The following PARD3 variants were observed in gnomAD, a reference collection of about 807,000 sequenced individuals.
The protein encoded by PARD3 is par-3 family cell polarity regulator, also known as partitioning defective 3 homolog.
In PARD3, 75 loss-of-function variants were observed where a neutral mutation model predicts 155.4. The observed-to-expected ratio is 0.48, with a 90% CI of 0.40 to 0.58. PARD3 has a LOEUF of 0.58. Among genes scored for constraint, PARD3 ranks in the 20% least tolerant of loss-of-function variants. The pLI, the probability that PARD3 is intolerant of heterozygous loss-of-function variation, is 0.00. For missense variants in PARD3, 1,642 were observed against 1,721.7 expected, an observed-to-expected ratio of 0.95 and a Z score of 0.82; for synonymous variants, 576 against 610.5, an observed-to-expected ratio of 0.94 and a Z score of 0.83.
intron 5 of PARD3, among the ~76,000 whole-genome samples, chr10:34,420,810 G>T (rs531141133): frequency 6.1e-4 from 93 of 152,194 alleles, no homozygotes; most frequent in African/African-American, 2.0e-3. Context: ...TTTCTCAAAT[G>T]GTGACATTCA....
intron 24 of PARD3, among the ~76,000 whole-genome samples, chr10:34,118,459 C>T (rs1166495984): frequency 6.6e-6 from 1 of 152,230 alleles, no homozygotes; most frequent in Non-Finnish European, 1.5e-5. Context: ...ATCCTCCCAT[C>T]TCAGCCTCCC....
chr10:34,605,344 C>A (rs546175876), intron 2 of PARD3, among the ~76,000 whole-genome samples: 1 of 149,174 alleles, frequency 6.7e-6, no homozygotes, highest in Non-Finnish European at 1.5e-5. Flanking sequence ...AGGGCGCCTA[C>A]CACCACGCCT....
chr10:34,630,425 CT>C (rs2092207928), intron 2 of PARD3, among the ~76,000 whole-genome samples: 1 of 151,520 alleles, frequency 6.6e-6, no homozygotes, highest in Non-Finnish European at 1.5e-5. Context: ...CTAGTCCACC[CT>C]TATCCTCCCT....
At chr10:34,132,252 T>C (rs1947651221) in intron 22 of PARD3, among the ~76,000 whole-genome samples, 2 of 152,212 alleles carry the variant, frequency 1.3e-5, no homozygotes, top group Admixed American at 1.3e-4. Context: ...TTTTGTATAG[T>C]ATTGAATTTT....
intron 19 of PARD3, among the ~76,000 whole-genome samples, chr10:34,322,602 T>G (rs549616411): frequency 6.6e-6 from 1 of 152,318 alleles, no homozygotes; most frequent in South Asian, 2.1e-4. Flanking sequence ...TTAAATAATT[T>G]GTTTAGATTT....
intron 3 of PARD3, among the ~76,000 whole-genome samples, chr10:34,475,123 G>A (rs767065624): frequency 7.9e-5 from 12 of 152,212 alleles, no homozygotes; most frequent in Admixed American, 2.6e-4. Context: ...TTGTTTATGG[G>A]AGGGTAGAGC....
intron 23 of PARD3, 83 bp downstream of exon 23, chr10:34,131,380 A>T: frequency 1.4e-6 from 2 of 1,474,632 alleles, no homozygotes; most frequent in Non-Finnish European, 1.9e-6. Context: ...CTCGTTTCAT[A>T]GAGCATTGAG....
chr10:34,599,020 C>A (rs1202464844), intron 2 of PARD3, among the ~76,000 whole-genome samples: 1 of 152,106 alleles, frequency 6.6e-6, no homozygotes, highest in Non-Finnish European at 1.5e-5. Flanking sequence ...TGCGCCTTCC[C>A]CTGCAGCTAA....
At chr10:34,518,428 A>C (rs2081926852) in intron 2 of PARD3, among the ~76,000 whole-genome samples, 2 of 152,170 alleles carry the variant, frequency 1.3e-5, no homozygotes, top group African/African-American at 4.8e-5. Context: ...GTGGTCAGGG[A>C]AACACATGGT....
At chr10:34,729,081 T>G (rs558207097) in intron 1 of PARD3, among the ~76,000 whole-genome samples, 3 of 152,328 alleles carry the variant, frequency 2.0e-5, no homozygotes, top group African/African-American at 7.2e-5. Context: ...AGGTGTGCAG[T>G]AGGCTCTGCA....
chr10:34,357,832 G>A (rs1839047640), intron 14 of PARD3, among the ~76,000 whole-genome samples: 1 of 152,112 alleles, frequency 6.6e-6, no homozygotes, highest in Non-Finnish European at 1.5e-5. Flanking sequence ...TAATTCAGTG[G>A]TCAGTGATCT....
chr10:34,175,385 G>GT (rs1344179481), intron 22 of PARD3, among the ~76,000 whole-genome samples: 2 of 152,116 alleles, frequency 1.3e-5, no homozygotes, highest in African/African-American at 4.8e-5. Context: ...GCTTATGCCT[G>GT]TGTCAGAACC....
At chr10:34,777,121 G>C (rs1209982329) in intron 1 of PARD3, among the ~76,000 whole-genome samples, 1 of 151,520 alleles carries the variant, frequency 6.6e-6, no homozygotes, top group East Asian at 1.9e-4. Context: ...AAAGTGCTGG[G>C]ACTACAGGCG....
intron 1 of PARD3, among the ~76,000 whole-genome samples, chr10:34,756,452 CA>C (rs1836744776): frequency 7.5e-6 from 1 of 133,352 alleles, no homozygotes; most frequent in Non-Finnish European, 1.6e-5. Context: ...CGCGCCCAGC[CA>C]ATGCACCTTT....
intron 2 of PARD3, among the ~76,000 whole-genome samples, chr10:34,688,611 A>C (rs2093992584): frequency 6.6e-6 from 1 of 152,234 alleles, no homozygotes; most frequent in South Asian, 2.1e-4. Context: ...AGAGATCTAG[A>C]GTATTCTACA....
At chr10:34,121,356 A>G (rs947422124) in intron 23 of PARD3, among the ~76,000 whole-genome samples, 17 of 152,194 alleles carry the variant, frequency 1.1e-4, no homozygotes, top group African/African-American at 3.9e-4. Flanking sequence ...CCCTTAAGTG[A>G]TCCTTTTCAG....
chr10:34,288,950 A>C (rs1956536646), intron 20 of PARD3, among the ~76,000 whole-genome samples: 1 of 152,296 alleles, frequency 6.6e-6, no homozygotes, highest in Admixed American at 6.5e-5. Flanking sequence ...CTTAAGTCAT[A>C]TTAAAATAGA....
chr10:34,349,579 G>GAAAAAAAAA (rs1282340618), intron 14 of PARD3, among the ~76,000 whole-genome samples: 2 of 11,354 alleles, frequency 1.8e-4, no homozygotes, highest in African/African-American at 1.1e-3. Context: ...CTCTGGGAAA[G>GAAAAAAAAA]TAAAAAAAAA....
At chr10:34,302,259 A>G (rs998076366) in intron 20 of PARD3, among the ~76,000 whole-genome samples, 2 of 152,108 alleles carry the variant, frequency 1.3e-5, no homozygotes, top group Non-Finnish European at 2.9e-5. Flanking sequence ...GCACTTACTT[A>G]CCATTTAAAA....
Sources: allele counts gnomAD v4.1 joint callset (sites outside exome capture counted in the v4.1 genomes callset), GRCh38; gene constraint gnomAD v4.1.1; transcripts MANE v1.5; gene names NCBI Gene and HGNC (gene_info 2026-07-23, HGNC 2026-07-21).